LRP1B: variants seen among roughly 807,000 people sequenced by gnomAD.
LRP1B encodes the protein low-density lipoprotein receptor-related protein 1B.
Under a neutral mutation model 556.6 loss-of-function variants are expected in LRP1B, and 217 were observed. The observed-to-expected ratio is 0.39, with a 90% confidence interval of 0.35 to 0.44. LRP1B has a LOEUF of 0.44. LRP1B is among the 20% of genes least tolerant of loss of function. The pLI, the probability that LRP1B is intolerant of heterozygous loss-of-function variation, is 1.00. For synonymous variants in LRP1B, 2,047 were observed against 1,865.8 expected (o/e 1.10, Z -2.50); for missense variants, 5,053 against 5,620.8 (o/e 0.90, Z 3.23).
At chr2:141,247,821 A>G (rs1453539419) in intron 4 of LRP1B, among the ~76,000 whole-genome samples, 1 of 152,198 alleles carries the variant, frequency 6.6e-6, no homozygotes, top group Admixed American at 6.5e-5. Context: ...AAGCACACCT[A>G]TTGAAAAATA....
At chr2:141,420,060 C>T (rs989411522) in intron 3 of LRP1B, among the ~76,000 whole-genome samples, 6 of 152,164 alleles carry the variant, frequency 3.9e-5, no homozygotes, top group Non-Finnish European at 7.3e-5. Flanking sequence ...CCCTCTGCTT[C>T]CTTATTGATC....
At chr2:140,932,428 T>C (rs1244686373) in intron 20 of LRP1B, among the ~76,000 whole-genome samples, 2 of 152,092 alleles carry the variant, frequency 1.3e-5, no homozygotes, top group Non-Finnish European at 2.9e-5. Context: ...GTTGCTTCCA[T>C]GCTACAACAG....
At chr2:141,303,595 A>G (rs2105434470) in intron 3 of LRP1B, among the ~76,000 whole-genome samples, 1 of 152,242 alleles carries the variant, frequency 6.6e-6, no homozygotes, top group East Asian at 1.9e-4. Context: ...AATTCTATCT[A>G]TGTTGTAGCA....
rs186907161 is a variant in LRP1B at position 141,712,049 on chromosome 2, C to T, written c.205+98230G>A. 4.0e-3 allele frequency among the ~76,000 whole-genome samples: 603 copies of T among 152,056 alleles called. 3 individuals are homozygous for T. Among genetic ancestry groups the T allele is most frequent in the African/African-American group, 0.013 (537 of 41,456 alleles). On this transcript the variant is annotated intron_variant, in intron 2 of 90. Coordinates refer to ENST00000389484, the MANE Select transcript of LRP1B (RefSeq NM_018557.3). ...CCTTGAGTTCATGCAATATGATATA[C>T]GAAGTTGCTTACCCCACCCACACAA...
At chr2:142,115,670 TGTAATATATATATAATA>T (rs1559080182) in intron 1 of LRP1B, among the ~76,000 whole-genome samples, 112 of 7,836 alleles carry the variant, frequency 0.014, 46 homozygotes, top group African/African-American at 0.039. Context: ...AATATATATA[TGTAATATATATATAATA>T]TATATGTAAT....
intron 3 of LRP1B, among the ~76,000 whole-genome samples, chr2:141,385,404 T>A (rs1689793392): frequency 6.6e-6 from 1 of 152,122 alleles, no homozygotes; most frequent in South Asian, 2.1e-4. Context: ...AAATTCCCTA[T>A]CTCTGGTCCC....
At chr2:140,944,851 A>G (rs1395059667) in intron 20 of LRP1B, among the ~76,000 whole-genome samples, 1 of 152,202 alleles carries the variant, frequency 6.6e-6, no homozygotes, top group African/African-American at 2.4e-5. Flanking sequence ...GGATTGGAAC[A>G]GGATGAGGAT....
At chr2:142,080,278 G>A (rs1359731551) in intron 1 of LRP1B, among the ~76,000 whole-genome samples, 1 of 152,112 alleles carries the variant, frequency 6.6e-6, no homozygotes, top group South Asian at 2.1e-4. Context: ...GTGCTATTAA[G>A]TGAATAGCCT....
At chr2:140,741,357 T>C (rs1384971284) in intron 35 of LRP1B, among the ~76,000 whole-genome samples, 2 of 152,086 alleles carry the variant, frequency 1.3e-5, no homozygotes, top group African/African-American at 4.8e-5. Flanking sequence ...CTACATATAA[T>C]AACTGAACAG....
intron 34 of LRP1B, among the ~76,000 whole-genome samples, chr2:140,770,391 T>C (rs570517354): frequency 6.6e-6 from 1 of 152,138 alleles, no homozygotes; most frequent in Non-Finnish European, 1.5e-5. Context: ...TATTTGGGAC[T>C]AATAGAACTA....
At chr2:140,966,203 C>G (rs1200547616) in intron 18 of LRP1B, among the ~76,000 whole-genome samples, 5 of 152,204 alleles carry the variant, frequency 3.3e-5, no homozygotes, top group Non-Finnish European at 7.3e-5. Flanking sequence ...TCTCCACATC[C>G]TCTCCAGCAC....
chr2:141,170,741 G>A (rs1188809790), intron 7 of LRP1B, among the ~76,000 whole-genome samples: 1 of 151,998 alleles, frequency 6.6e-6, no homozygotes, highest in African/African-American at 2.4e-5. Flanking sequence ...CTTTCTAAAG[G>A]TGTTGCATTT....
chr2:140,359,753 C>T (rs1573842954), intron 72 of LRP1B, among the ~76,000 whole-genome samples: 3 of 151,606 alleles, frequency 2.0e-5, no homozygotes, highest in Admixed American at 1.3e-4. Context: ...TCAAACATCT[C>T]AGTTGGTTGT....
At position 140,890,790 on chromosome 2, in the gene LRP1B, T is replaced by C. The variant is rs546114715; in HGVS notation, c.3767-4455A>G. ...ATAAACCAGTGGGAAATCATGAAGA[T>C]AGAATTTTAAAATCCCATCTTACAA... On this transcript the variant is annotated intron_variant, in intron 23 of 90. Coordinates refer to ENST00000389484, the MANE Select transcript of LRP1B (RefSeq NM_018557.3). Among the ~76,000 whole-genome samples the C allele has an allele frequency of 2.9e-4, 44 of 152,176 alleles. 1 individual carries two copies. In the South Asian group the frequency reaches 9.1e-3, roughly 32 times the overall value.
At chr2:140,775,166 C>A (rs1689448595) in intron 33 of LRP1B, among the ~76,000 whole-genome samples, 2 of 152,000 alleles carry the variant, frequency 1.3e-5, no homozygotes, top group Non-Finnish European at 2.9e-5. Context: ...GAAGGCAAAT[C>A]CTAATCTGAT....
intron 1 of LRP1B, among the ~76,000 whole-genome samples, chr2:141,917,369 C>G (rs1179380248): frequency 6.6e-6 from 1 of 152,026 alleles, no homozygotes; most frequent in Non-Finnish European, 1.5e-5. Context: ...TGTGTAGATA[C>G]TACAAGTATC....
At chr2:141,724,629 G>A (rs1055683260) in intron 2 of LRP1B, among the ~76,000 whole-genome samples, 1 of 151,818 alleles carries the variant, frequency 6.6e-6, no homozygotes, top group Admixed American at 6.6e-5. Context: ...TAAGGCTGAT[G>A]CTCTTTGCTC....
intron 2 of LRP1B, among the ~76,000 whole-genome samples, chr2:141,502,202 C>A (rs1000734587): frequency 1.3e-5 from 2 of 152,120 alleles, no homozygotes; most frequent in Admixed American, 1.3e-4. Context: ...TTCAAATATT[C>A]TGTAAGAATC....
In LRP1B at chr2:140,358,236, C is replaced by T. The variant is rs185174341; in HGVS notation, c.11258-120G>A. 2,176 of 971,632 alleles carry T rather than the reference C, an allele frequency of 2.2e-3. 4 individuals carry two copies. Among genetic ancestry groups the T allele is most frequent in the Non-Finnish European group, 2.8e-3 (1,933 of 685,452 alleles). 60.2% of individuals were successfully genotyped at this position (971,632 alleles called of 1,614,324 possible). A position where few individuals can be genotyped will look rare whatever the true frequency, so the allele number is the denominator to read the frequency against. On this transcript the variant is annotated intron_variant, in intron 73 of 90. Transcript: ENST00000389484. ...AAAACATGGGTTTACAATCCTTTAT[C>T]TGAAGCTCTCAAGGCCAAATTTTTA...
Sources: allele counts gnomAD v4.1 joint callset (sites outside exome capture counted in the v4.1 genomes callset), GRCh38; gene constraint gnomAD v4.1.1; transcripts MANE v1.5; gene names NCBI Gene and HGNC (gene_info 2026-07-23, HGNC 2026-07-21).